PLAAT2: variants seen among roughly 807,000 people sequenced by gnomAD.
PLAAT2 encodes phospholipase A and acyltransferase 2.
In PLAAT2, 12 loss-of-function variants were observed where a neutral mutation model predicts 12.8. The observed-to-expected ratio is 0.94, with a 90% CI of 0.60 to 1.52. The LOEUF is 1.52. PLAAT2 is among the 40% of genes most tolerant of loss of function. PLAAT2 has a pLI of 0.00. For missense variants in PLAAT2, 166 were observed against 208.1 expected, an observed-to-expected ratio of 0.80 and a Z score of 1.24; for synonymous variants, 79 against 86.8, an observed-to-expected ratio of 0.91 and a Z score of 0.50.
intron 2 of PLAAT2, among the ~76,000 whole-genome samples, chr11:63,559,665 G>T (rs561974993): frequency 6.6e-6 from 1 of 152,064 alleles, no homozygotes; most frequent in Non-Finnish European, 1.5e-5. Flanking sequence ...CAGTCTGTAA[G>T]CAGAGGAGCC....
chr11:63,562,819 A>T (rs2017530274), intron 1 of PLAAT2, among the ~76,000 whole-genome samples: 1 of 152,220 alleles, frequency 6.6e-6, no homozygotes. Flanking sequence ...GGGAAAGTAG[A>T]GGGACTGGCC....
chr11:63,564,681 A>G (rs1289345282), upstream of PLAAT2, among the ~76,000 whole-genome samples: 1 of 152,100 alleles, frequency 6.6e-6, no homozygotes, highest in Non-Finnish European at 1.5e-5. Flanking sequence ...TTCTGGAGGG[A>G]GACAGTAGGG....
intron 1 of PLAAT2, among the ~76,000 whole-genome samples, chr11:63,562,724 T>C (rs1199212190): frequency 1.3e-5 from 2 of 152,160 alleles, no homozygotes; most frequent in African/African-American, 2.4e-5. Context: ...TTTAGCATGG[T>C]GTCTGGACCC....
chr11:63,560,161 A>G lies in PLAAT2; in HGVS notation c.42T>C (p.Ile14=). The G allele has an allele frequency of 6.2e-7, 1 of 1,613,664 alleles. No individual in the cohort carries two copies. Among genetic ancestry groups the G allele is most frequent in the Non-Finnish European group, 8.5e-7 (1 of 1,179,740 alleles). ...ARPRPRLGDL[I]EISRFGYAHW... The stretch of plus-strand genomic sequence containing the variant: ...GTGCATAGCCAAAGCGAGAAATCTC[A>G]ATCAGGTCTCCAAGTCTCGGTCTTG... Residue 14 remains isoleucine (I), a synonymous_variant, in exon 2 of 4, where the codon ATT becomes ATC. Coordinates refer to ENST00000255695, the MANE Select transcript of PLAAT2 (RefSeq NM_017878.2).
At chr11:63,559,492 C>T (rs2017498725) in intron 2 of PLAAT2, among the ~76,000 whole-genome samples, 1 of 148,874 alleles carries the variant, frequency 6.7e-6, no homozygotes, top group African/African-American at 2.5e-5. Flanking sequence ...AGAAAAAGCC[C>T]TTCTCATCTT....
intron 1 of PLAAT2, among the ~76,000 whole-genome samples, chr11:63,560,660 C>A (rs189318547): frequency 6.6e-6 from 1 of 152,176 alleles, no homozygotes; most frequent in Non-Finnish European, 1.5e-5. Flanking sequence ...GGCAGGCGGA[C>A]ACTTGACCCA....
intron 1 of PLAAT2, among the ~76,000 whole-genome samples, chr11:63,561,907 C>T (rs2017522982): frequency 1.3e-5 from 2 of 152,006 alleles, no homozygotes; most frequent in African/African-American, 4.8e-5. Context: ...AACTGAAACA[C>T]ATCAAATATG....
Position 63,553,083 on chromosome 11 carries a change from G to A in PLAAT2, c.388-18C>T, listed in dbSNP as rs2017432564. 6.4e-7 allele frequency: 1 copy of A among 1,563,372 alleles called. No homozygotes were observed. Among genetic ancestry groups the A allele is most frequent in the Admixed American group, 1.7e-5 (1 of 59,668 alleles). ...CCAGTGACCTGCAGCAGAAGAGAAG[G>A]GAGAGCACACTCAGCATCAGGGCGG... is the stretch of plus-strand genomic sequence containing the variant. On this transcript the variant is annotated intron_variant, in intron 3 of 3. Coordinates refer to ENST00000255695, the MANE Select transcript of PLAAT2 (RefSeq NM_017878.2).
intron 3 of PLAAT2, among the ~76,000 whole-genome samples, chr11:63,557,592 T>C (rs982657493): frequency 6.6e-5 from 10 of 151,888 alleles, no homozygotes; most frequent in African/African-American, 2.2e-4. Context: ...GGCCCATGGG[T>C]CAAATCCAAC....
intron 1 of PLAAT2, among the ~76,000 whole-genome samples, chr11:63,560,481 G>A (rs2017509300): frequency 6.6e-6 from 1 of 152,342 alleles, no homozygotes; most frequent in East Asian, 1.9e-4. Context: ...GATGTGCCCA[G>A]GCTGAGTGTG....
chr11:63,556,045 T>A (rs11231519), intron 3 of PLAAT2, among the ~76,000 whole-genome samples: 28,852 of 152,130 alleles, frequency 0.19, 3,759 homozygotes, highest in East Asian at 0.67. Context: ...GACACAGCCT[T>A]ATTTTGCCAG....
Position 63,552,775 on chromosome 11 carries a change from G to A in PLAAT2, c.*189C>T, listed in dbSNP as rs1335900889. 1.8e-6 allele frequency: 1 copy of A among 569,738 alleles called. No individual in the cohort carries two copies. The highest frequency in any genetic ancestry group is 2.0e-5 in the South Asian group (1 of 49,974). 35.3% of individuals were successfully genotyped at this position (569,738 alleles called of 1,614,324 possible). On this transcript the variant is annotated 3_prime_UTR_variant, in exon 4 of 4. Transcript: ENST00000255695. ...ACACAAGCATTCAGTCCATAGCAGA[G>A]CCCAATTGTGTCTTTAATAGAATTC...
Position 63,553,302 on chromosome 11 carries a change from T to G in PLAAT2, c.388-237A>C, listed in dbSNP as rs185137380. ...GAAGAATGAAGCCATAGGCGTGATA[T>G]ACACAGAGTCAAAGGAGGAAAACCA... On this transcript the variant is annotated intron_variant, in intron 3 of 3. Coordinates refer to ENST00000255695, the MANE Select transcript of PLAAT2 (RefSeq NM_017878.2). Among the ~76,000 whole-genome samples the G allele has an allele frequency of 1.3e-4, 20 of 152,202 alleles. No homozygotes were observed. The East Asian group carries it at 2.3e-3, about 18-fold the overall frequency.
At chr11:63,558,077 G>A (rs1209472308) in intron 3 of PLAAT2, among the ~76,000 whole-genome samples, 1 of 152,086 alleles carries the variant, frequency 6.6e-6, no homozygotes, top group African/African-American at 2.4e-5. Context: ...TAAGCACGGT[G>A]AGCCTCAGTT....
At chr11:63,564,641 G>A (rs2017547738), upstream of PLAAT2, among the ~76,000 whole-genome samples, 1 of 152,190 alleles carries the variant, frequency 6.6e-6, no homozygotes, top group Non-Finnish European at 1.5e-5. Flanking sequence ...TCTCCTCTGA[G>A]TTGCAGTGGG....
At chr11:63,563,742 A>T (rs1434589252), upstream of PLAAT2, among the ~76,000 whole-genome samples, 1 of 151,342 alleles carries the variant, frequency 6.6e-6, no homozygotes, top group African/African-American at 2.4e-5. Flanking sequence ...AAAAAACAGA[A>T]CATAGATCAA....
chr11:63,558,784 C>T lies in PLAAT2; in HGVS notation c.119-124G>A, dbSNP rs2017492571. On this transcript the variant is annotated intron_variant, in intron 2 of 3. Coordinates refer to ENST00000255695, the MANE Select transcript of PLAAT2 (RefSeq NM_017878.2). ...CTGTGGAAGGACTTGTCCATCCTGC[C>T]TGGCCTCAAACTTGAAAACAGGGAA... The T allele has an allele frequency of 6.6e-6, 8 of 1,209,656 alleles. No homozygotes were observed. The Middle Eastern group carries it at 8.5e-4, about 129-fold the overall frequency. The allele number at this position is 1,209,656 out of a possible 1,614,324, so 74.9% of individuals were successfully genotyped here. A position where few individuals can be genotyped will look rare whatever the true frequency, so the allele number is the denominator to read the frequency against.
At chr11:63,558,033 TA>T (rs2017481012) in intron 3 of PLAAT2, among the ~76,000 whole-genome samples, 1 of 152,136 alleles carries the variant, frequency 6.6e-6, no homozygotes, top group Non-Finnish European at 1.5e-5. Flanking sequence ...AGAGACTCAA[TA>T]ACTAGGAGTT....
In PLAAT2 at chr11:63,554,835, A is replaced by G. The variant is rs924433740; in HGVS notation, c.388-1770T>C. Reference sequence around the variant, plus strand: ...GAGTGACTGGGGAAAAGAAAGGGGGAAAAAAAACCATTTTATTCAAATACA... The same window carrying G: ...GAGTGACTGGGGAAAAGAAAGGGGGGAAAAAAACCATTTTATTCAAATACA... On this transcript the variant is annotated intron_variant, in intron 3 of 3. Transcript: ENST00000255695. Among the ~76,000 whole-genome samples, 4 of 151,942 alleles carry G rather than the reference A, an allele frequency of 2.6e-5. No homozygotes were observed. In the South Asian group the frequency reaches 6.2e-4, roughly 24 times the overall value.
Sources: gnomAD v4.1 joint callset for allele counts (sites outside exome capture counted in the v4.1 genomes callset) on GRCh38, gnomAD v4.1.1 for gene constraint, MANE v1.5 for transcripts, NCBI Gene and HGNC (gene_info 2026-07-23, HGNC 2026-07-21) for gene names.